STAU2: variants seen among roughly 807,000 people sequenced by gnomAD.
STAU2 encodes staufen double-stranded RNA binding protein 2.
In STAU2, 20 loss-of-function variants were observed where a neutral mutation model predicts 65.9. That is an observed-to-expected ratio of 0.30 (90% CI 0.21 to 0.44). The LOEUF (loss-of-function observed/expected upper bound fraction) is 0.44, where lower values mean the gene tolerates loss of function less well. STAU2 is among the 20% of genes least tolerant of loss of function. STAU2 has a pLI of 1.00. For missense variants in STAU2, 558 were observed against 683.9 expected, an observed-to-expected ratio of 0.82 and a Z score of 2.05; for synonymous variants, 232 against 233.9, an observed-to-expected ratio of 0.99 and a Z score of 0.07.
chr8:73,656,013 G>A (rs1028800262), intron 6 of STAU2, among the ~76,000 whole-genome samples: 1 of 151,998 alleles, frequency 6.6e-6, no homozygotes, highest in Non-Finnish European at 1.5e-5. Flanking sequence ...TCAATCTCCT[G>A]ACCTTGTGAT....
chr8:73,618,418 G>T (rs1812992304), intron 6 of STAU2, among the ~76,000 whole-genome samples: 1 of 152,186 alleles, frequency 6.6e-6, no homozygotes, highest in South Asian at 2.1e-4. Flanking sequence ...GAAGCAGAGA[G>T]TATACCAGCA....
At chr8:73,465,131 G>T (rs1211193312) in intron 13 of STAU2, among the ~76,000 whole-genome samples, 1 of 152,166 alleles carries the variant, frequency 6.6e-6, no homozygotes, top group Admixed American at 6.5e-5. Flanking sequence ...GAAGTCAGGT[G>T]AAAGAGAAAT....
chr8:73,573,889 C>A (rs961990347), intron 12 of STAU2, among the ~76,000 whole-genome samples: 22 of 152,156 alleles, frequency 1.4e-4, no homozygotes, highest in African/African-American at 4.6e-4. Flanking sequence ...GCAACAAAAG[C>A]CAAAATTGAC....
intron 6 of STAU2, chr8:73,652,774 A>G (rs1056658876): frequency 2.6e-5 from 4 of 152,028 alleles, no homozygotes; most frequent in African/African-American, 9.7e-5. Flanking sequence ...CAACCAAAGT[A>G]CTTCATGTCA....
intron 13 of STAU2, among the ~76,000 whole-genome samples, chr8:73,429,940 G>A (rs1817136607): frequency 1.3e-5 from 2 of 152,160 alleles, no homozygotes; most frequent in South Asian, 2.1e-4. Flanking sequence ...ACAGTGTCCC[G>A]TCAGCAGTCC....
intron 6 of STAU2, among the ~76,000 whole-genome samples, chr8:73,671,669 A>T (rs186635387): frequency 2.6e-5 from 4 of 152,280 alleles, no homozygotes; most frequent in East Asian, 3.9e-4. Context: ...CAACCTAGAT[A>T]AAAAAATAGA....
At chr8:73,525,255 G>A (rs1823288861) in intron 13 of STAU2, among the ~76,000 whole-genome samples, 1 of 152,208 alleles carries the variant, frequency 6.6e-6, no homozygotes, top group African/African-American at 2.4e-5. Context: ...ATATAAAAAT[G>A]TCTTAATTTA....
chr8:73,676,608 T>C (rs1818044174), intron 5 of STAU2, among the ~76,000 whole-genome samples: 1 of 152,228 alleles, frequency 6.6e-6, no homozygotes, highest in African/African-American at 2.4e-5. Context: ...GTTTTGTTTT[T>C]TGTTTTTGAG....
At chr8:73,713,535 G>T (rs2130666448) in intron 3 of STAU2, among the ~76,000 whole-genome samples, 1 of 152,208 alleles carries the variant, frequency 6.6e-6, no homozygotes, top group African/African-American at 2.4e-5. Flanking sequence ...GTTTTAAGAG[G>T]TGGTGATTAG....
intron 4 of STAU2, among the ~76,000 whole-genome samples, chr8:73,700,610 C>T (rs1820028357): frequency 6.6e-6 from 1 of 151,876 alleles, no homozygotes; most frequent in Admixed American, 6.6e-5. Context: ...ATTAACTCAA[C>T]CAAGGAAGTG....
At chr8:73,562,051 A>G (rs571765433) in intron 12 of STAU2, among the ~76,000 whole-genome samples, 1 of 152,374 alleles carries the variant, frequency 6.6e-6, no homozygotes, top group African/African-American at 2.4e-5. Flanking sequence ...CTATACATTT[A>G]AGAAGTTCTG....
chr8:73,709,134 T>C lies in STAU2; in HGVS notation c.12A>G (p.Pro4=). 1 of 1,529,772 alleles carries C rather than the reference T, an allele frequency of 6.5e-7. No individual in the cohort carries two copies. The highest frequency in any genetic ancestry group is 8.7e-7 in the Non-Finnish European group (1 of 1,142,910). 94.8% of individuals were successfully genotyped at this position (1,529,772 alleles called of 1,614,324 possible). MAN[P]KEKTAMCLVN... ...CCAGACACATTGCAGTTTTCTCTTT[T>C]GGGTTTGCCATTTTATCTTGGAGAG... is the stretch of plus-strand genomic sequence containing the variant. The change falls in exon 4 of 15, where the codon CCA becomes CCG. Residue 4 remains proline (P), a synonymous_variant. Transcript: ENST00000524300.
chr8:73,520,135 G>C (rs1340097738), intron 13 of STAU2, among the ~76,000 whole-genome samples: 1 of 152,108 alleles, frequency 6.6e-6, no homozygotes, highest in Non-Finnish European at 1.5e-5. Flanking sequence ...ATAAAGCGTG[G>C]GTATAAGTAC....
At chr8:73,479,472 GCACACA>G (rs5892420) in intron 13 of STAU2, among the ~76,000 whole-genome samples, 1 of 139,840 alleles carries the variant, frequency 7.2e-6, no homozygotes, top group Admixed American at 7.2e-5. Flanking sequence ...TCCCTATTCT[GCACACA>G]CACACACACA....
intron 4 of STAU2, among the ~76,000 whole-genome samples, chr8:73,692,149 G>A (rs1237664263): frequency 6.6e-6 from 1 of 152,026 alleles, no homozygotes; most frequent in Non-Finnish European, 1.5e-5. Flanking sequence ...ACCCAGACAG[G>A]GCTTGGAAGC....
intron 5 of STAU2, among the ~76,000 whole-genome samples, chr8:73,677,046 G>A (rs939289001): frequency 2.6e-5 from 4 of 152,190 alleles, no homozygotes; most frequent in African/African-American, 7.2e-5. Context: ...AACAGACAAT[G>A]CAGATTTTTA....
chr8:73,582,704 A>C, intron 12 of STAU2, 66 bp downstream of exon 12: 1 of 1,488,828 alleles, frequency 6.7e-7, no homozygotes, highest in South Asian at 1.1e-5. Context: ...AACCAATCCC[A>C]GTGACAGCTA....
At chr8:73,495,660 C>CAAAT (rs1279763495) in intron 13 of STAU2, among the ~76,000 whole-genome samples, 1 of 29,022 alleles carries the variant, frequency 3.4e-5, no homozygotes, top group Non-Finnish European at 6.2e-5. Flanking sequence ...TTCATAAAGC[C>CAAAT]AAATATATAT....
intron 6 of STAU2, among the ~76,000 whole-genome samples, chr8:73,640,381 G>T (rs1335006604): frequency 6.6e-6 from 1 of 151,948 alleles, no homozygotes; most frequent in Non-Finnish European, 1.5e-5. Context: ...TCCTATATTG[G>T]ATATACCTAA....
Sources: allele counts gnomAD v4.1 joint callset (sites outside exome capture counted in the v4.1 genomes callset), GRCh38; gene constraint gnomAD v4.1.1; transcripts MANE v1.5; gene names NCBI Gene and HGNC (gene_info 2026-07-23, HGNC 2026-07-21).